The following ARMC9 variants were observed in gnomAD, a reference collection of about 807,000 sequenced individuals.
ARMC9 encodes armadillo repeat containing 9.
A neutral mutation model predicts 107.0 loss-of-function variants in ARMC9; 94 were observed. That is an observed-to-expected ratio of 0.88 (90% confidence interval 0.74 to 1.04). ARMC9 has a LOEUF of 1.04. Ranked by LOEUF, ARMC9 falls within the 50% of genes least tolerant of loss-of-function variation. The pLI, the probability that ARMC9 is intolerant of heterozygous loss-of-function variation, is 0.00. For missense variants in ARMC9, 942 were observed against 1,030.1 expected (o/e 0.91, Z 1.17); for synonymous variants, 380 against 396.9 (o/e 0.96, Z 0.51).
At chr2:231,240,949 C>T (rs1289456898) in intron 9 of ARMC9, among the ~76,000 whole-genome samples, 2 of 152,000 alleles carry the variant, frequency 1.3e-5, no homozygotes, top group Non-Finnish European at 2.9e-5. Context: ...TGTAATATTC[C>T]AGCACTTTGG....
Position 231,255,180 on chromosome 2 carries a change from AACACACAC to A in ARMC9, c.880-1372_880-1365del, listed in dbSNP as rs3042595. On this transcript the variant is annotated intron_variant, in intron 9 of 24. Coordinates refer to ENST00000611582, the MANE Select transcript of ARMC9 (RefSeq NM_001352754.2). This position sits in a 1 kb window ranked among gnomAD's most constrained non-coding sequence, Gnocchi z 4.7. ...AGCACTACCTGTAGTGGCAAAAAGAAACACACACACACACACACACACACACACACACA... is the reference window on the plus strand; with the variant it reads ...AGCACTACCTGTAGTGGCAAAAAGAAACACACACACACACACACACACACA... 0.39 allele frequency among the ~76,000 whole-genome samples: 56,716 copies of A among 146,750 alleles called. 11,745 individuals carry two copies. Among genetic ancestry groups the A allele is most frequent in the African/African-American group, 0.55 (22,122 of 40,100 alleles).
At chr2:231,295,131 C>T (rs2041269125) in intron 18 of ARMC9, 1 of 152,242 alleles carries the variant, frequency 6.6e-6, no homozygotes, top group Non-Finnish European at 1.5e-5. Context: ...CTTCTTTTCT[C>T]CTACTTCCCA....
At chr2:231,345,625 C>T (rs1021504595) in intron 21 of ARMC9, among the ~76,000 whole-genome samples, 2 of 152,160 alleles carry the variant, frequency 1.3e-5, no homozygotes, top group Non-Finnish European at 2.9e-5. Flanking sequence ...TCCCTGGGGG[C>T]CTAGACCCCT....
intron 19 of ARMC9, among the ~76,000 whole-genome samples, chr2:231,327,304 T>C (rs1559467472): frequency 6.6e-6 from 1 of 152,190 alleles, no homozygotes; most frequent in Non-Finnish European, 1.5e-5. Flanking sequence ...TTTCCATCAC[T>C]CAAGGATCCC....
chr2:231,227,714 C>T (rs1478911874), intron 7 of ARMC9, among the ~76,000 whole-genome samples: 1 of 152,234 alleles, frequency 6.6e-6, no homozygotes, highest in East Asian at 1.9e-4. Flanking sequence ...TGGGGTTTGT[C>T]AACCTCAGGG....
At chr2:231,371,379 C>A in intron 24 of ARMC9, 134 bp from the exon 25 acceptor site, 1 of 1,108,408 alleles carries the variant, frequency 9.0e-7, no homozygotes, top group Non-Finnish European at 1.2e-6. Context: ...GAGCCCAGGC[C>A]ACAGAACAGG....
rs1467228528 is a variant in ARMC9, at chr2:231,358,364, T to TTGATTGAC, written c.2132-2383_2132-2382insCTGATTGA. Among the ~76,000 whole-genome samples the TTGATTGAC allele has an allele frequency of 2.6e-5, 4 of 151,798 alleles. No individual in the cohort carries two copies. Among genetic ancestry groups the TTGATTGAC allele is most frequent in the African/African-American group, 9.7e-5 (4 of 41,198 alleles). On this transcript the variant is annotated intron_variant, in intron 22 of 24. Coordinates refer to ENST00000611582, the MANE Select transcript of ARMC9 (RefSeq NM_001352754.2). This position sits in a 1 kb window ranked among gnomAD's most constrained non-coding sequence, Gnocchi z 4.5. ...CCCTCCACTTCAATTGATTGATTGA[T>TTGATTGAC]TGATTGATTGATTGATTGTAGAGAG...
chr2:231,260,051 A>G (rs1209346879), intron 11 of ARMC9, among the ~76,000 whole-genome samples: 1 of 152,274 alleles, frequency 6.6e-6, no homozygotes, highest in Non-Finnish European at 1.5e-5. Flanking sequence ...TAATTCATTT[A>G]AAATGAGCAA....
At chr2:231,341,669 GATA>G (rs1392742490) in intron 20 of ARMC9, among the ~76,000 whole-genome samples, 1 of 151,754 alleles carries the variant, frequency 6.6e-6, no homozygotes, top group African/African-American at 2.4e-5. Context: ...TAGATAGATA[GATA>G]GATAGAGTAT....
intron 19 of ARMC9, among the ~76,000 whole-genome samples, chr2:231,314,525 C>T (rs992793866): frequency 1.4e-4 from 22 of 152,220 alleles, no homozygotes; most frequent in African/African-American, 5.3e-4. Flanking sequence ...AACCTTGGCA[C>T]TATTGACATT....
rs1467617589 is a variant in ARMC9 at position 231,337,288 on chromosome 2, ATATTTTTTTTTTTT to A, written c.1878+5393_1878+5406del. ...TGTGTGTGTATATATATATATATAT[ATATTTTTTTTTTTT>A]TTTTTTTTTTTTTGAGACAGTGTCT... On this transcript the variant is annotated intron_variant, in intron 20 of 24. Transcript: ENST00000611582. Among the ~76,000 whole-genome samples, 349 of 52,298 alleles carry A rather than the reference ATATTTTTTTTTTTT, an allele frequency of 6.7e-3. 5 individuals are homozygous for A. The highest frequency in any genetic ancestry group is 0.025 in the African/African-American group (332 of 13,196). The allele number at this position is 52,298 out of a possible 152,430, so 34.3% of individuals were successfully genotyped here. A position where few individuals can be genotyped will look rare whatever the true frequency, so the allele number is the denominator to read the frequency against.
intron 19 of ARMC9, among the ~76,000 whole-genome samples, chr2:231,331,459 T>C (rs1480059031): frequency 6.6e-6 from 1 of 152,028 alleles, no homozygotes; most frequent in African/African-American, 2.4e-5. Flanking sequence ...GGCTGTTCTA[T>C]ATGGTGCCTT....
At chr2:231,209,248 G>C (rs2032481087) in intron 3 of ARMC9, among the ~76,000 whole-genome samples, 1 of 152,058 alleles carries the variant, frequency 6.6e-6, no homozygotes. Flanking sequence ...GAGCATGGTG[G>C]CATGCACCTG....
chr2:231,303,022 G>A (rs537640590), intron 19 of ARMC9, among the ~76,000 whole-genome samples: 2 of 152,240 alleles, frequency 1.3e-5, no homozygotes, highest in East Asian at 3.9e-4. Flanking sequence ...AAATAAATAA[G>A]TAAATAGTCA....
At chr2:231,262,220 A>G in intron 11 of ARMC9, 86 bp from the exon 12 acceptor site, 2 of 1,196,324 alleles carry the variant, frequency 1.7e-6, no homozygotes, top group Non-Finnish European at 2.5e-6. Flanking sequence ...AGGTACTGAT[A>G]CTGCCATCTA....
intron 9 of ARMC9, among the ~76,000 whole-genome samples, chr2:231,248,756 G>A (rs1322894111): frequency 1.4e-5 from 2 of 143,310 alleles, no homozygotes; most frequent in East Asian, 2.1e-4. Context: ...GCAGTTAGCC[G>A]AGATCATGCT....
At chr2:231,237,207 TAC>T (rs398039621) in intron 8 of ARMC9, among the ~76,000 whole-genome samples, 8 of 150,548 alleles carry the variant, frequency 5.3e-5, no homozygotes, top group Admixed American at 2.0e-4. Context: ...TGTGTGTGTG[TAC>T]ACACATGCGT....
intron 19 of ARMC9, among the ~76,000 whole-genome samples, chr2:231,305,962 G>A (rs994366577): frequency 2.0e-5 from 3 of 152,078 alleles, no homozygotes; most frequent in Middle Eastern, 3.2e-3. Flanking sequence ...ATTAAACTCC[G>A]AATGATTGGT....
intron 23 of ARMC9, among the ~76,000 whole-genome samples, chr2:231,361,640 C>G (rs927683335): frequency 6.6e-6 from 1 of 152,180 alleles, no homozygotes; most frequent in East Asian, 1.9e-4. Flanking sequence ...CTGGAGAAAC[C>G]TGCTCAGGGA....
Sources: gnomAD v4.1 joint callset for allele counts (sites outside exome capture counted in the v4.1 genomes callset) on GRCh38, gnomAD v4.1.1 for gene constraint, Gnocchi (gnomAD v3.1) non-coding constraint, MANE v1.5 for transcripts, NCBI Gene and HGNC (gene_info 2026-07-23, HGNC 2026-07-21) for gene names.